PIP4K2C: variants seen among roughly 807,000 people sequenced by gnomAD.
PIP4K2C encodes the protein phosphatidylinositol 5-phosphate 4-kinase type-2 gamma.
In PIP4K2C, 21 loss-of-function variants were observed where a neutral mutation model predicts 45.0. The observed-to-expected ratio is 0.47, with a 90% CI of 0.33 to 0.67. The LOEUF (loss-of-function observed/expected upper bound fraction) is 0.67, where lower values mean the gene tolerates loss of function less well. Among genes scored for constraint, PIP4K2C ranks in the 30% least tolerant of loss-of-function variants. The pLI is 0.02. For synonymous variants in PIP4K2C, 201 were observed against 204.8 expected, an observed-to-expected ratio of 0.98 and a Z score of 0.16; for missense variants, 456 against 542.8, an observed-to-expected ratio of 0.84 and a Z score of 1.59.
At chr12:57,595,861 G>A in intron 3 of PIP4K2C, 27 bp from the exon 4 acceptor site, 1 of 1,612,638 alleles carries the variant, frequency 6.2e-7, no homozygotes, top group African/African-American at 1.3e-5. Flanking sequence ...GGGAGGAAAA[G>A]AGCTCTGGCC....
chr12:57,602,835 T>C lies in PIP4K2C; in HGVS notation c.*1229T>C, dbSNP rs540277045. On this transcript the variant is annotated 3_prime_UTR_variant, in exon 10 of 10. Transcript: ENST00000354947. ...TCAGCCCCTCCAAAGATAGTTGATG[T>C]GTGATAATCTCATAATGTTGAGAAC... 6.5e-6 allele frequency: 1 copy of C among 152,778 alleles called. No homozygotes were observed. Among genetic ancestry groups the C allele is most frequent in the Admixed American group, 6.5e-5 (1 of 15,300 alleles). 9.5% of individuals were successfully genotyped at this position (152,778 alleles called of 1,614,324 possible).
Position 57,591,455 on chromosome 12 carries a change from G to C in PIP4K2C, c.166G>C (p.Ala56Pro). The C allele has an allele frequency of 6.2e-7, 1 of 1,610,952 alleles. No individual in the cohort carries two copies. Among genetic ancestry groups the C allele is most frequent in the Non-Finnish European group, 8.5e-7 (1 of 1,178,520 alleles). The change falls in exon 1 of 10, where the codon GCC becomes CCC. Residue 56 changes from alanine to proline, a missense_variant. Coordinates refer to ENST00000354947, the MANE Select transcript of PIP4K2C (RefSeq NM_024779.5). ...GGTGGGTGTGTTCCTGTGGGGCGTA[G>C]CCCACTCGGTGAGAACCAGCCCTAG... ...PLVGVFLWGV[A>P]HSINELSQVP...
intron 9 of PIP4K2C, 46 bp from the exon 10 acceptor site, chr12:57,601,480 G>T (rs983047310): frequency 3.2e-6 from 5 of 1,564,930 alleles, no homozygotes; most frequent in Non-Finnish European, 3.5e-6. Context: ...TGATGGGGAC[G>T]GGTGCTAGGG....
intron 1 of PIP4K2C, among the ~76,000 whole-genome samples, chr12:57,591,901 C>T (rs1336026531): frequency 6.6e-6 from 1 of 152,040 alleles, no homozygotes; most frequent in Non-Finnish European, 1.5e-5. Flanking sequence ...TGCTTTCCAC[C>T]TTGCTTCCCA....
At position 57,602,510 on chromosome 12, in the gene PIP4K2C, T is replaced by C. The variant is rs991559269; in HGVS notation, c.*904T>C. 2 of 152,220 alleles carry C rather than the reference T, an allele frequency of 1.3e-5. No individual in the cohort carries two copies. 9.4% of individuals were successfully genotyped at this position (152,220 alleles called of 1,614,324 possible). On this transcript the variant is annotated 3_prime_UTR_variant, in exon 10 of 10. Transcript: ENST00000354947. Reference sequence around the variant, plus strand: ...TAGGATTCATTCTCCATGTAAAGTTTCCTTTCATCCTGCCTAGCCATCCCC... The same window carrying C: ...TAGGATTCATTCTCCATGTAAAGTTCCCTTTCATCCTGCCTAGCCATCCCC...
In PIP4K2C at chr12:57,601,232, G is replaced by T; in HGVS notation, c.1082-13G>T. On this transcript the variant is annotated splice_polypyrimidine_tract_variant and intron_variant, in intron 8 of 9. Transcript: ENST00000354947. ...GAACTAAACCTACTCTGAATTGTTG[G>T]TCTCTCTCCCAGGAGCCCCCCAGAA... 1 of 1,607,188 alleles carries T rather than the reference G, an allele frequency of 6.2e-7. No homozygotes were observed.
chr12:57,601,430 G>A (rs1883433409), intron 9 of PIP4K2C, 82 bp downstream of exon 9: 1 of 1,531,744 alleles, frequency 6.5e-7, no homozygotes, highest in African/African-American at 1.4e-5. Flanking sequence ...CAATGGGGTG[G>A]CAAAAGAATG....
At chr12:57,596,255 G>A (rs1684940444) in intron 4 of PIP4K2C, among the ~76,000 whole-genome samples, 1 of 152,170 alleles carries the variant, frequency 6.6e-6, no homozygotes, top group South Asian at 2.1e-4. Context: ...GGAGGCTGAG[G>A]CGGGAGGATC....
chr12:57,599,272 C>G (rs1883325409), intron 5 of PIP4K2C, 61 bp downstream of exon 5: 1 of 1,607,152 alleles, frequency 6.2e-7, no homozygotes, highest in African/African-American at 1.3e-5. Flanking sequence ...ATGGGGAAGA[C>G]CCTGGGAGGT....
intron 1 of PIP4K2C, 54 bp from the exon 2 acceptor site, chr12:57,593,971 G>T: frequency 7.3e-7 from 1 of 1,378,372 alleles, no homozygotes. Flanking sequence ...CAGTGTATGG[G>T]TAGCTCTCCA....
At position 57,591,295 on chromosome 12, in the gene PIP4K2C, G is replaced by T. The variant is rs757496073; in HGVS notation, c.6G>T (p.Ala2=). The change falls in exon 1 of 10, where the codon GCG becomes GCT. Residue 2 remains alanine (A), a synonymous_variant. Coordinates refer to ENST00000354947, the MANE Select transcript of PIP4K2C (RefSeq NM_024779.5). ...GGTCGGTTGCGCGGGAGACTATGGCGTCCTCCTCGGTCCCACCAGCCACGG... is the reference window on the plus strand; with the variant it reads ...GGTCGGTTGCGCGGGAGACTATGGCTTCCTCCTCGGTCCCACCAGCCACGG... M[A]SSSVPPATVS... The T allele has an allele frequency of 2.5e-6, 4 of 1,609,086 alleles. No homozygotes were observed. The Admixed American group carries it at 6.7e-5, about 27-fold the overall frequency.
At position 57,601,360 on chromosome 12, in the gene PIP4K2C, C is replaced by CA. The variant is rs757440443; in HGVS notation, c.1185+16dup. ...CTGTCAAGCATGGGGTGAGAGTTCG[C>CA]AAAAGCCTTTCCTTTCCTGTCTTGA... On this transcript the variant is annotated intron_variant, in intron 9 of 9. Coordinates refer to ENST00000354947, the MANE Select transcript of PIP4K2C (RefSeq NM_024779.5). 1 of 1,599,848 alleles carries CA rather than the reference C, an allele frequency of 6.3e-7. No homozygotes were observed. The highest frequency in any genetic ancestry group is 1.3e-5 in the African/African-American group (1 of 74,684).
At chr12:57,599,770 A>T (rs1448993837) in intron 6 of PIP4K2C, among the ~76,000 whole-genome samples, 1 of 152,192 alleles carries the variant, frequency 6.6e-6, no homozygotes, top group Non-Finnish European at 1.5e-5. Context: ...GCTTAAGAAG[A>T]CACAGGCCGG....
intron 3 of PIP4K2C, 66 bp downstream of exon 3, chr12:57,595,288 C>A: frequency 1.9e-6 from 2 of 1,029,032 alleles, no homozygotes; most frequent in Non-Finnish European, 3.1e-6. Context: ...CTATTTGGGA[C>A]AGCCATATTT....
chr12:57,600,391 A>G lies in PIP4K2C; in HGVS notation c.767A>G (p.Glu256Gly). 6.2e-7 allele frequency: 1 copy of G among 1,611,006 alleles called. No individual in the cohort carries two copies. The part of the protein sequence containing the change: ...LNKNQKVYIG[E>G]EEKKIFLEKL... ...AAGAACCAGAAAGTATATATTGGTG[A>G]AGAGGAGAAGAAAATATTTCTGGAG... Residue 256 changes from glutamate (E) to glycine (G), a missense_variant, in exon 7 of 10, where the codon GAA (glutamate) becomes GGA (glycine). By Grantham distance (98) the Glu-to-Gly change is moderately conservative (BLOSUM62 -2). Coordinates refer to ENST00000354947, the MANE Select transcript of PIP4K2C (RefSeq NM_024779.5).
In PIP4K2C at chr12:57,591,331, G is replaced by T. The variant is rs1331653926; in HGVS notation, c.42G>T (p.Ala14=). Residue 14 remains alanine, a synonymous_variant, in exon 1 of 10, where the codon GCG becomes GCT. Coordinates refer to ENST00000354947, the MANE Select transcript of PIP4K2C (RefSeq NM_024779.5). ...SSVPPATVSA[A]TAGPGPGFGF... Reference sequence around the variant, plus strand: ...TCCCACCAGCCACGGTATCGGCGGCGACAGCAGGCCCCGGCCCAGGTTTCG... The same window carrying T: ...TCCCACCAGCCACGGTATCGGCGGCTACAGCAGGCCCCGGCCCAGGTTTCG... 4 of 1,612,628 alleles carry T rather than the reference G, an allele frequency of 2.5e-6. No homozygotes were observed. In the African/African-American group the frequency reaches 5.3e-5, roughly 22 times the overall value.
At chr12:57,595,702 CAAAAAAAA>C (rs67101543) in intron 3 of PIP4K2C, among the ~76,000 whole-genome samples, 178 bp from the exon 4 acceptor site, 2 of 101,566 alleles carry the variant, frequency 2.0e-5, no homozygotes, top group South Asian at 3.5e-4. Context: ...GACTCCTTGT[CAAAAAAAA>C]AAAAAAAAAA....
intron 4 of PIP4K2C, among the ~76,000 whole-genome samples, chr12:57,596,275 C>T (rs990228272): frequency 2.6e-5 from 4 of 152,022 alleles, no homozygotes; most frequent in African/African-American, 4.8e-5. Flanking sequence ...CACCTGAGGT[C>T]GGGAGTTCGA....
Position 57,599,229 on chromosome 12 carries a change from C to G in PIP4K2C, c.660+18C>G. On this transcript the variant is annotated intron_variant, in intron 5 of 9. Coordinates refer to ENST00000354947, the MANE Select transcript of PIP4K2C (RefSeq NM_024779.5). ...ACCTCAAGGTAAGAAGAGGGTAGCT[C>G]GGACTTAGAGGGAGGCTCCTGATAG... 1 of 1,613,504 alleles carries G rather than the reference C, an allele frequency of 6.2e-7. No individual in the cohort carries two copies. The highest frequency in any genetic ancestry group is 8.5e-7 in the Non-Finnish European group (1 of 1,179,562).
Sources: gnomAD v4.1 joint callset for allele counts (sites outside exome capture counted in the v4.1 genomes callset) on GRCh38, gnomAD v4.1.1 for gene constraint, MANE v1.5 for transcripts, NCBI Gene and HGNC (gene_info 2026-07-23, HGNC 2026-07-21) for gene names.